Variants in PPM1D observed in about 807,000 individuals in gnomAD.
PPM1D encodes the protein protein phosphatase, Mg2+/Mn2+ dependent 1D.
PPM1D carries 52 observed loss-of-function variants against 58.3 expected under a neutral mutation model. The ratio of observed to expected loss-of-function variants is 0.89; its 90% CI spans 0.71 to 1.12. The LOEUF is 1.12. PPM1D is among the 50% of genes most tolerant of loss of function. The probability of loss-of-function intolerance (pLI) is 0.00; values close to 1 mark genes in which losing one functional copy is unlikely to be tolerated. For missense variants in PPM1D, 564 were observed against 777.2 expected, an observed-to-expected ratio of 0.73 and a Z score of 3.26; for synonymous variants, 278 against 285.1, an observed-to-expected ratio of 0.98 and a Z score of 0.25.
At chr17:60,612,755 A>G (rs145242106) in intron 1 of PPM1D, among the ~76,000 whole-genome samples, 2 of 152,032 alleles carry the variant, frequency 1.3e-5, no homozygotes, top group Admixed American at 6.5e-5. Flanking sequence ...TTTTTTTTCA[A>G]TGACGAGAAT....
chr17:60,605,653 A>G (rs1567963515), intron 1 of PPM1D, among the ~76,000 whole-genome samples: 1 of 152,252 alleles, frequency 6.6e-6, no homozygotes, highest in Non-Finnish European at 1.5e-5. Context: ...CTGTAATCCC[A>G]GCAATTTGGG....
rs115389213 is a variant in PPM1D, at chr17:60,606,322, T to G, written c.472+5436T>G. 8.7e-3 allele frequency among the ~76,000 whole-genome samples: 1,320 copies of G among 152,336 alleles called. 13 individuals are homozygous for G. Among genetic ancestry groups the G allele is most frequent in the African/African-American group, 0.028 (1,152 of 41,574 alleles). On this transcript the variant is annotated intron_variant, in intron 1 of 5. Transcript: ENST00000305921. ...GATGGACATTTGGGTTGTTTCCACT[T>G]TTTGGCTATTGTGACTAGTACTGCT... is the stretch of plus-strand genomic sequence containing the variant.
At chr17:60,654,883 GAAAGA>G (rs1181494271) in intron 4 of PPM1D, among the ~76,000 whole-genome samples, 14 of 149,358 alleles carry the variant, frequency 9.4e-5, no homozygotes, top group Non-Finnish European at 1.8e-4. Context: ...AAAAAAAAAA[GAAAGA>G]AAAGAAAAGA....
intron 5 of PPM1D, among the ~76,000 whole-genome samples, chr17:60,661,863 A>G (rs1051167908): frequency 2.6e-5 from 4 of 152,238 alleles, no homozygotes; most frequent in African/African-American, 9.6e-5. Flanking sequence ...ATACTCAGAA[A>G]TTAGAATTTA....
At chr17:60,630,479 C>T (rs1421116755) in intron 2 of PPM1D, among the ~76,000 whole-genome samples, 1 of 152,178 alleles carries the variant, frequency 6.6e-6, no homozygotes, top group East Asian at 1.9e-4. Flanking sequence ...TTCCTTGCTT[C>T]CCTCTGTCCC....
chr17:60,659,798 T>C (rs1360297926), intron 5 of PPM1D, among the ~76,000 whole-genome samples: 4 of 152,234 alleles, frequency 2.6e-5, no homozygotes, highest in Admixed American at 6.5e-5. Context: ...AACAGTTGCC[T>C]GTGCTAACAG....
intron 1 of PPM1D, among the ~76,000 whole-genome samples, chr17:60,621,805 C>T (rs1425876221): frequency 6.8e-6 from 1 of 147,524 alleles, no homozygotes; most frequent in Non-Finnish European, 1.5e-5. Context: ...CTCCTGACCT[C>T]GTGATCCGCC....
intron 4 of PPM1D, among the ~76,000 whole-genome samples, chr17:60,652,332 C>A (rs150499359): frequency 6.6e-6 from 1 of 151,926 alleles, no homozygotes; most frequent in Admixed American, 6.6e-5. Context: ...TTTTCTATGG[C>A]CGAATACTAT....
At chr17:60,629,512 A>G (rs1598405404) in intron 2 of PPM1D, among the ~76,000 whole-genome samples, 1 of 152,152 alleles carries the variant, frequency 6.6e-6, no homozygotes, top group East Asian at 1.9e-4. Flanking sequence ...GCTATAGTCT[A>G]TTTGATCTTG....
intron 1 of PPM1D, among the ~76,000 whole-genome samples, chr17:60,609,017 G>A (rs2030394951): frequency 6.6e-6 from 1 of 151,970 alleles, no homozygotes; most frequent in Admixed American, 6.6e-5. Context: ...AAAGTGCTGG[G>A]ATTACAGGCG....
At chr17:60,638,221 T>C (rs1009977224) in intron 3 of PPM1D, among the ~76,000 whole-genome samples, 35 of 152,218 alleles carry the variant, frequency 2.3e-4, no homozygotes, top group African/African-American at 8.4e-4. Context: ...GAAAATCGTT[T>C]TAGTGATAAA....
At chr17:60,627,048 AT>A (rs1395828587) in intron 2 of PPM1D, among the ~76,000 whole-genome samples, 1 of 152,060 alleles carries the variant, frequency 6.6e-6, no homozygotes, top group East Asian at 1.9e-4. Flanking sequence ...TGTGATGTGA[AT>A]TTTAGATATT....
intron 2 of PPM1D, among the ~76,000 whole-genome samples, chr17:60,628,076 G>A (rs888336521): frequency 1.3e-5 from 2 of 151,456 alleles, no homozygotes; most frequent in African/African-American, 2.4e-5. Context: ...ACGAACTCCC[G>A]ACCTCAGGCG....
chr17:60,602,730 A>C (rs971431230), intron 1 of PPM1D, among the ~76,000 whole-genome samples: 1 of 151,696 alleles, frequency 6.6e-6, no homozygotes, highest in Non-Finnish European at 1.5e-5. Flanking sequence ...AAAAATGTTA[A>C]AGTTTGTTTT....
At chr17:60,620,937 T>C (rs2030688446) in intron 1 of PPM1D, among the ~76,000 whole-genome samples, 2 of 152,306 alleles carry the variant, frequency 1.3e-5, no homozygotes, top group Non-Finnish European at 1.5e-5. Flanking sequence ...CTTTCTTTTT[T>C]TTTGAGGCAG....
chr17:60,644,366 G>C, intron 3 of PPM1D, among the ~76,000 whole-genome samples: 1 of 150,466 alleles, frequency 6.6e-6, no homozygotes, highest in Non-Finnish European at 1.5e-5. Context: ...GAACTCCCAG[G>C]CTCAAGCAAT....
chr17:60,623,485 A>G (rs2030745986), intron 1 of PPM1D, 36 bp from the exon 2 acceptor site: 1 of 1,567,424 alleles, frequency 6.4e-7, no homozygotes, highest in Non-Finnish European at 8.7e-7. Context: ...TAATGTTTAT[A>G]CTTGCAAGAG....
At chr17:60,650,782 C>A (rs1288191370) in intron 4 of PPM1D, among the ~76,000 whole-genome samples, 1 of 151,962 alleles carries the variant, frequency 6.6e-6, no homozygotes, top group Non-Finnish European at 1.5e-5. Flanking sequence ...TAGATATCTT[C>A]AGTAGGCAGT....
intron 1 of PPM1D, among the ~76,000 whole-genome samples, chr17:60,614,681 C>T (rs549603732): frequency 7.9e-4 from 121 of 152,298 alleles, no homozygotes; most frequent in African/African-American, 2.5e-3. Flanking sequence ...GTAACACTCA[C>T]TGCGAAGGTC....
Sources: gnomAD v4.1 joint callset for allele counts (sites outside exome capture counted in the v4.1 genomes callset) on GRCh38, gnomAD v4.1.1 for gene constraint, MANE v1.5 for transcripts, NCBI Gene and HGNC (gene_info 2026-07-23, HGNC 2026-07-21) for gene names.